PRKN: variants seen among roughly 807,000 people sequenced by gnomAD.
The protein encoded by PRKN is E3 ubiquitin-protein ligase parkin.
A neutral mutation model predicts 59.5 loss-of-function variants in PRKN; 56 were observed. That is an observed-to-expected ratio of 0.94 (90% confidence interval 0.76 to 1.18). PRKN has a LOEUF of 1.18. Among genes scored for constraint, PRKN ranks in the 50% most tolerant of loss-of-function variants. The pLI is 0.00. For synonymous variants in PRKN, 250 were observed against 222.1 expected (o/e 1.13, Z -1.12); for missense variants, 657 against 596.4 (o/e 1.10, Z -1.06).
At chr6:162,113,992 T>A (rs1780556696) in intron 4 of PRKN, among the ~76,000 whole-genome samples, 1 of 151,780 alleles carries the variant, frequency 6.6e-6, no homozygotes, top group African/African-American at 2.4e-5. Context: ...CATTGCTTGT[T>A]TTTCTCAGGT....
chr6:162,398,636 C>T (rs1446218651), intron 2 of PRKN, among the ~76,000 whole-genome samples: 1 of 152,080 alleles, frequency 6.6e-6, no homozygotes, highest in Middle Eastern at 3.2e-3. Context: ...GTGATCCACC[C>T]GCCTCAGCCT....
At chr6:161,830,474 G>T (rs911585724) in intron 6 of PRKN, among the ~76,000 whole-genome samples, 1 of 151,994 alleles carries the variant, frequency 6.6e-6, no homozygotes, top group Admixed American at 6.6e-5. Flanking sequence ...GGATGGTCTC[G>T]ATCTCCTGAC....
At chr6:162,640,579 A>T (rs556893830) in intron 1 of PRKN, among the ~76,000 whole-genome samples, 1 of 152,320 alleles carries the variant, frequency 6.6e-6, no homozygotes, top group South Asian at 2.1e-4. Context: ...ACATATCTAA[A>T]CAAATAACCA....
intron 6 of PRKN, among the ~76,000 whole-genome samples, chr6:161,821,567 C>T (rs1792024771): frequency 6.6e-6 from 1 of 151,966 alleles, no homozygotes; most frequent in African/African-American, 2.4e-5. Flanking sequence ...AGTGATCACA[C>T]ATTCATTTTC....
At chr6:161,895,329 C>G (rs1243505172) in intron 6 of PRKN, among the ~76,000 whole-genome samples, 2 of 152,130 alleles carry the variant, frequency 1.3e-5, no homozygotes, top group African/African-American at 4.8e-5. Flanking sequence ...AAATAAATAC[C>G]CCTTCCATGG....
At chr6:162,174,480 C>G (rs953975538) in intron 4 of PRKN, among the ~76,000 whole-genome samples, 1 of 152,112 alleles carries the variant, frequency 6.6e-6, no homozygotes, top group Non-Finnish European at 1.5e-5. Context: ...TTTCACTTAA[C>G]CTGCATATTT....
intron 7 of PRKN, among the ~76,000 whole-genome samples, chr6:161,591,783 A>G (rs1295277490): frequency 6.6e-6 from 1 of 152,244 alleles, no homozygotes; most frequent in African/African-American, 2.4e-5. Flanking sequence ...TTCTCTAACT[A>G]TAAGATATTC....
At chr6:162,560,461 C>T (rs956973106) in intron 1 of PRKN, among the ~76,000 whole-genome samples, 43 of 152,124 alleles carry the variant, frequency 2.8e-4, no homozygotes, top group African/African-American at 1.0e-3. Context: ...CATGCAGAGG[C>T]CAAATGCATC....
At chr6:161,532,771 C>G (rs1030449887) in intron 9 of PRKN, among the ~76,000 whole-genome samples, 1 of 152,140 alleles carries the variant, frequency 6.6e-6, no homozygotes, top group East Asian at 1.9e-4. Flanking sequence ...GGTGCATGCA[C>G]GTGGATGCTG....
intron 7 of PRKN, among the ~76,000 whole-genome samples, chr6:161,642,901 C>T (rs1783795161): frequency 6.6e-6 from 1 of 152,026 alleles, no homozygotes; most frequent in Non-Finnish European, 1.5e-5. Context: ...AAGATCAAAG[C>T]CTGTTTTATT....
At position 162,299,727 on chromosome 6, in the gene PRKN, A is replaced by G. The variant is rs148154477; in HGVS notation, c.172-36962T>C. 4.0e-3 allele frequency among the ~76,000 whole-genome samples: 611 copies of G among 152,088 alleles called. 3 individuals are homozygous for G. The highest frequency in any genetic ancestry group is 6.5e-3 in the Non-Finnish European group (439 of 67,998). ...TCTATAGGTCTGTGTTTTCATGGCC[A>G]TACAGTGGGCTGCAGGCCACTTTGC... On this transcript the variant is annotated intron_variant, in intron 2 of 11. Coordinates refer to ENST00000366898, the MANE Select transcript of PRKN (RefSeq NM_004562.3).
At chr6:161,404,047 T>G in intron 9 of PRKN, among the ~76,000 whole-genome samples, 1 of 152,136 alleles carries the variant, frequency 6.6e-6, no homozygotes. Flanking sequence ...AGTACTCTGA[T>G]TCCCCATTAG....
chr6:161,367,470 C>CT (rs77405672), intron 10 of PRKN, among the ~76,000 whole-genome samples: 18,740 of 138,170 alleles, frequency 0.14, 1,552 homozygotes, highest in African/African-American at 0.25. Flanking sequence ...TGTGTCTTTT[C>CT]TTTTTTTTTT....
intron 7 of PRKN, among the ~76,000 whole-genome samples, chr6:161,747,674 T>C (rs1382812858): frequency 6.6e-6 from 1 of 152,228 alleles, no homozygotes; most frequent in African/African-American, 2.4e-5. Context: ...TTCTAATTAC[T>C]TGTGGAAGTC....
chr6:162,284,226 T>C (rs1308529354), intron 2 of PRKN, among the ~76,000 whole-genome samples: 12 of 141,460 alleles, frequency 8.5e-5, no homozygotes, highest in African/African-American at 2.6e-4. Flanking sequence ...TTTTTTTTTT[T>C]TTTTTTTTTT....
intron 2 of PRKN, among the ~76,000 whole-genome samples, chr6:162,306,886 G>A (rs550634142): frequency 2.5e-4 from 38 of 152,296 alleles, no homozygotes; most frequent in Middle Eastern, 3.4e-3. Flanking sequence ...TGATGCTACC[G>A]ATGGACACGA....
intron 1 of PRKN, among the ~76,000 whole-genome samples, chr6:162,565,938 A>C (rs1260932537): frequency 4.6e-5 from 7 of 152,190 alleles, no homozygotes. Context: ...TGCTATACTT[A>C]TATCAGAAAA....
chr6:161,357,561 C>T lies in PRKN; in HGVS notation c.1285+2527G>A, dbSNP rs535572233. 1.1e-4 allele frequency among the ~76,000 whole-genome samples: 16 copies of T among 152,202 alleles called. No individual in the cohort carries two copies. The highest frequency in any genetic ancestry group is 2.2e-4 in the Non-Finnish European group (15 of 68,044). On this transcript the variant is annotated intron_variant, in intron 11 of 11. Transcript: ENST00000366898. The surrounding 1 kb of genome is among the most constrained non-coding windows in gnomAD (Gnocchi z 5.5). ...GACCTGGCTGATTTTTACTAATTTTCTAAGGTTATACGTCACACATGTTTA... is the reference window on the plus strand; with the variant it reads ...GACCTGGCTGATTTTTACTAATTTTTTAAGGTTATACGTCACACATGTTTA...
chr6:162,663,854 T>A (rs1022422329), intron 1 of PRKN, among the ~76,000 whole-genome samples: 1 of 152,150 alleles, frequency 6.6e-6, no homozygotes, highest in South Asian at 2.1e-4. Flanking sequence ...TTATTTGCTA[T>A]ACTGGTGAAG....
Sources: allele counts gnomAD v4.1 joint callset (sites outside exome capture counted in the v4.1 genomes callset), GRCh38; gene constraint gnomAD v4.1.1; non-coding constraint Gnocchi (gnomAD v3.1); transcripts MANE v1.5; gene names NCBI Gene and HGNC (gene_info 2026-07-23, HGNC 2026-07-21).